The following MCM9 variants were observed in gnomAD, a reference collection of about 807,000 sequenced individuals.
The protein encoded by MCM9 is DNA helicase MCM9.
Under a neutral mutation model 72.8 loss-of-function variants are expected in MCM9, and 55 were observed. The ratio of observed to expected loss-of-function variants is 0.76; its 90% CI spans 0.61 to 0.95. MCM9 has a LOEUF of 0.95. Ranked by LOEUF, MCM9 falls within the 40% of genes least tolerant of loss-of-function variation. The pLI, the probability that MCM9 is intolerant of heterozygous loss-of-function variation, is 0.00. For synonymous variants in MCM9, 480 were observed against 503.4 expected, an observed-to-expected ratio of 0.95 and a Z score of 0.62; for missense variants, 1,279 against 1,377.0, an observed-to-expected ratio of 0.93 and a Z score of 1.13.
At chr6:118,920,533 T>G (rs922247127) in intron 5 of MCM9, 3 of 152,298 alleles carry the variant, frequency 2.0e-5, no homozygotes, top group African/African-American at 7.2e-5. Context: ...AGGAGATGCC[T>G]GGTAGGAGGT....
intron 7 of MCM9, chr6:118,912,439 A>G (rs1020530018): frequency 6.6e-6 from 1 of 152,170 alleles, no homozygotes; most frequent in African/African-American, 2.4e-5. Context: ...TGCATATCCT[A>G]TGGTACATAT....
At chr6:118,825,707 A>G (rs534684634) in intron 13 of MCM9, among the ~76,000 whole-genome samples, 1 of 152,336 alleles carries the variant, frequency 6.6e-6, no homozygotes, top group East Asian at 1.9e-4. Context: ...TTTTTGGTAG[A>G]GTCCACATTC....
At chr6:118,859,101 TC>T (rs1776751033) in intron 8 of MCM9, among the ~76,000 whole-genome samples, 1 of 152,026 alleles carries the variant, frequency 6.6e-6, no homozygotes, top group Non-Finnish European at 1.5e-5. Flanking sequence ...CCAAAAGTTG[TC>T]CCACACATAG....
At chr6:118,910,297 G>A (rs146617696) in intron 8 of MCM9, among the ~76,000 whole-genome samples, 1 of 152,108 alleles carries the variant, frequency 6.6e-6, no homozygotes, top group African/African-American at 2.4e-5. Flanking sequence ...ATGGGTTGCA[G>A]TACACAATCT....
intron 8 of MCM9, chr6:118,901,133 T>C (rs949653723): frequency 6.0e-6 from 2 of 334,182 alleles, no homozygotes; most frequent in Non-Finnish European, 5.5e-6. Context: ...CAGTAAATTT[T>C]ATACTGTATC....
At chr6:118,891,462 T>C (rs139361142) in intron 8 of MCM9, among the ~76,000 whole-genome samples, 3,031 of 152,316 alleles carry the variant, frequency 0.02, 115 homozygotes, top group African/African-American at 0.07. Context: ...TTCTGGAAGC[T>C]AGAAATCCAA....
At chr6:118,826,892 T>C (rs1172038747) in intron 11 of MCM9, 28 bp from the exon 12 acceptor site, 1 of 1,529,106 alleles carries the variant, frequency 6.5e-7, no homozygotes, top group Non-Finnish European at 8.8e-7. Flanking sequence ...ATTTGTTTTT[T>C]AGGAATATTT....
rs1291101600 is a variant in MCM9, at chr6:118,814,780, G to A, written c.*44C>T. On this transcript the variant is annotated 3_prime_UTR_variant, in exon 14 of 14. Coordinates refer to ENST00000619706, the MANE Select transcript of MCM9 (RefSeq NM_017696.3). ...CATATTGATATCCTGAAGGTCCTCT[G>A]TGGAGTTGAAGAAGGTGAGATTTGA... The A allele has an allele frequency of 4.1e-6, 6 of 1,457,326 alleles. No homozygotes were observed. Among genetic ancestry groups the A allele is most frequent in the East Asian group, 5.0e-5 (2 of 40,286 alleles). 90.3% of individuals were successfully genotyped at this position (1,457,326 alleles called of 1,614,324 possible).
chr6:118,830,873 G>A (rs889523548), intron 9 of MCM9, among the ~76,000 whole-genome samples: 18 of 152,148 alleles, frequency 1.2e-4, no homozygotes, highest in African/African-American at 1.9e-4. Flanking sequence ...AGAACTGCTG[G>A]GGAAAGAAGA....
chr6:118,877,738 T>C (rs974167351), intron 8 of MCM9, among the ~76,000 whole-genome samples: 5 of 152,212 alleles, frequency 3.3e-5, no homozygotes, highest in Non-Finnish European at 7.3e-5. Flanking sequence ...AGGAGGGAGA[T>C]AGGTAAAAGA....
At chr6:118,826,735 G>A in intron 12 of MCM9, 47 bp downstream of exon 12, 1 of 1,404,640 alleles carries the variant, frequency 7.1e-7, no homozygotes, top group Non-Finnish European at 9.7e-7. Context: ...TTAAAAAAAA[G>A]AAAGTTTGTA....
intron 13 of MCM9, among the ~76,000 whole-genome samples, chr6:118,821,562 T>C (rs1773811999): frequency 6.6e-6 from 1 of 152,204 alleles, no homozygotes; most frequent in African/African-American, 2.4e-5. Flanking sequence ...CATTTTTTCC[T>C]TCATTTCAAC....
intron 8 of MCM9, among the ~76,000 whole-genome samples, chr6:118,877,034 TTGG>T (rs1777974164): frequency 6.6e-6 from 1 of 152,244 alleles, no homozygotes; most frequent in African/African-American, 2.4e-5. Flanking sequence ...ACTTGTTTTC[TTGG>T]AATGCTAGAT....
intron 9 of MCM9, among the ~76,000 whole-genome samples, chr6:118,843,707 T>C (rs1364410340): frequency 7.9e-5 from 7 of 88,950 alleles, no homozygotes; most frequent in Admixed American, 2.6e-4. Context: ...TATATATGTA[T>C]GTATATATAT....
intron 8 of MCM9, chr6:118,894,301 C>T: frequency 6.7e-7 from 1 of 1,490,390 alleles, no homozygotes. Context: ...CGCCGCTGCA[C>T]GACGTCTGGC....
intron 9 of MCM9, among the ~76,000 whole-genome samples, chr6:118,853,287 C>T (rs1776342043): frequency 6.6e-6 from 1 of 152,084 alleles, no homozygotes; most frequent in Non-Finnish European, 1.5e-5. Flanking sequence ...AGAGTCTATC[C>T]AATGTCACAA....
chr6:118,881,518 A>G (rs1454821893), intron 8 of MCM9, among the ~76,000 whole-genome samples: 1 of 152,238 alleles, frequency 6.6e-6, no homozygotes, highest in Non-Finnish European at 1.5e-5. Flanking sequence ...ACATGGAACT[A>G]GTGACCAAAT....
At chr6:118,817,412 G>C (rs1458327763) in intron 13 of MCM9, among the ~76,000 whole-genome samples, 3 of 152,018 alleles carry the variant, frequency 2.0e-5, no homozygotes, top group Non-Finnish European at 4.4e-5. Flanking sequence ...TCCTGTGTTA[G>C]TTTGCTGAGA....
chr6:118,836,662 G>A (rs1285307903), intron 9 of MCM9, among the ~76,000 whole-genome samples: 2 of 152,158 alleles, frequency 1.3e-5, no homozygotes, highest in East Asian at 3.8e-4. Context: ...TCTGATAGTA[G>A]TATGTATTTC....
Sources: allele counts gnomAD v4.1 joint callset (sites outside exome capture counted in the v4.1 genomes callset), GRCh38; gene constraint gnomAD v4.1.1; transcripts MANE v1.5; gene names NCBI Gene and HGNC (gene_info 2026-07-23, HGNC 2026-07-21).